The following MACROD2 variants were observed in gnomAD, a reference collection of about 807,000 sequenced individuals.
MACROD2 encodes mono-ADP ribosylhydrolase 2, also known as ADP-ribose glycohydrolase MACROD2.
MACROD2 carries 36 observed loss-of-function variants against 70.4 expected under a neutral mutation model. That is an observed-to-expected ratio of 0.51 (90% CI 0.39 to 0.68). The LOEUF is 0.68. Ranked by LOEUF, MACROD2 falls within the 30% of genes least tolerant of loss-of-function variation. MACROD2 has a pLI of 0.00. For synonymous variants in MACROD2, 172 were observed against 178.8 expected (o/e 0.96, Z 0.30); for missense variants, 496 against 538.4 (o/e 0.92, Z 0.78).
intron 4 of MACROD2, among the ~76,000 whole-genome samples, chr20:14,560,272 A>T (rs1451710693): frequency 2.0e-5 from 3 of 149,442 alleles, no homozygotes; most frequent in Non-Finnish European, 4.5e-5. Context: ...TGCTAACCAC[A>T]CTTTGTTTCT....
rs542761816 is a variant in MACROD2, at chr20:15,674,998, T to C, written c.645+175151T>C. Among the ~76,000 whole-genome samples, 69 of 152,316 alleles carry C rather than the reference T, an allele frequency of 4.5e-4. 1 individual carries two copies. Among genetic ancestry groups the C allele is most frequent in the African/African-American group, 1.6e-3 (65 of 41,576 alleles). On this transcript the variant is annotated intron_variant, in intron 8 of 17. Transcript: ENST00000684519. ...ATGGGAAATGCAGGCTTATGCTGTT[T>C]GCACCAAGGTTATCAGTTATATTGG...
chr20:14,485,972 C>T (rs444594), intron 3 of MACROD2, among the ~76,000 whole-genome samples: 29,720 of 151,910 alleles, frequency 0.2, 3,186 homozygotes, highest in South Asian at 0.36. Context: ...GAGAGTTAGC[C>T]TCTGAAGGAA....
intron 5 of MACROD2, among the ~76,000 whole-genome samples, chr20:15,142,934 C>T (rs557978976): frequency 1.3e-5 from 2 of 152,158 alleles, no homozygotes; most frequent in East Asian, 3.9e-4. Context: ...GGGTTGGTTC[C>T]AAGTCTTTGC....
chr20:14,437,599 A>C (rs970648369), intron 3 of MACROD2, among the ~76,000 whole-genome samples: 1 of 152,152 alleles, frequency 6.6e-6, no homozygotes, highest in African/African-American at 2.4e-5. Context: ...CATCTCAAAA[A>C]AAAATTTTTT....
At chr20:16,008,981 C>A (rs1202736778) in intron 15 of MACROD2, among the ~76,000 whole-genome samples, 1 of 152,192 alleles carries the variant, frequency 6.6e-6, no homozygotes, top group Admixed American at 6.5e-5. Context: ...CTGCCAACAT[C>A]TTTGATCAAA....
At chr20:15,678,376 T>TC (rs1007497046) in intron 8 of MACROD2, among the ~76,000 whole-genome samples, 3 of 151,640 alleles carry the variant, frequency 2.0e-5, no homozygotes, top group Admixed American at 6.6e-5. Context: ...TTTTTTTTTT[T>TC]TGAGACGGAG....
chr20:14,367,295 TA>T (rs1176742461), intron 3 of MACROD2, among the ~76,000 whole-genome samples: 11 of 152,190 alleles, frequency 7.2e-5, no homozygotes, highest in Non-Finnish European at 1.3e-4. Flanking sequence ...CCATAGGAAA[TA>T]AAAAGAAGAG....
At chr20:15,383,670 T>C (rs1432063012) in intron 6 of MACROD2, among the ~76,000 whole-genome samples, 1 of 152,194 alleles carries the variant, frequency 6.6e-6, no homozygotes, top group African/African-American at 2.4e-5. Context: ...CCTTGCAGCA[T>C]TGATCTCCAG....
intron 3 of MACROD2, among the ~76,000 whole-genome samples, chr20:14,389,326 G>T (rs2083501951): frequency 6.6e-6 from 1 of 151,062 alleles, no homozygotes. Context: ...GGAGGCTGCG[G>T]CAGGAGAATC....
At chr20:14,078,802 T>C (rs1156797167) in intron 2 of MACROD2, among the ~76,000 whole-genome samples, 1 of 152,230 alleles carries the variant, frequency 6.6e-6, no homozygotes, top group East Asian at 1.9e-4. Context: ...GTAAAAATTT[T>C]GTTTGTTTGA....
chr20:15,633,669 TA>T (rs1232498858), intron 8 of MACROD2, among the ~76,000 whole-genome samples: 1 of 152,196 alleles, frequency 6.6e-6, no homozygotes, highest in African/African-American at 2.4e-5. Flanking sequence ...CACATTATTT[TA>T]AAATTGAACA....
chr20:15,019,287 A>G (rs905369827), intron 5 of MACROD2, among the ~76,000 whole-genome samples: 3 of 152,240 alleles, frequency 2.0e-5, no homozygotes, highest in Admixed American at 1.3e-4. Context: ...TAAGAACGTT[A>G]TATCATGTAG....
chr20:15,388,417 T>G (rs1002624450), intron 6 of MACROD2, among the ~76,000 whole-genome samples: 7 of 152,140 alleles, frequency 4.6e-5, no homozygotes, highest in African/African-American at 1.7e-4. Flanking sequence ...ATTACTCCCT[T>G]AATAGAAAGT....
intron 5 of MACROD2, among the ~76,000 whole-genome samples, chr20:14,973,586 A>G (rs2074711714): frequency 1.3e-5 from 2 of 152,134 alleles, no homozygotes; most frequent in African/African-American, 2.4e-5. Context: ...TGCTTAGACA[A>G]TGACCACTTG....
intron 5 of MACROD2, among the ~76,000 whole-genome samples, chr20:14,971,927 G>A (rs952774203): frequency 1.1e-4 from 16 of 152,136 alleles, no homozygotes; most frequent in Admixed American, 9.8e-4. Context: ...CACAACTGCC[G>A]GCATTCACCC....
intron 5 of MACROD2, among the ~76,000 whole-genome samples, chr20:14,736,668 C>A (rs2071668711): frequency 6.6e-6 from 1 of 152,000 alleles, no homozygotes; most frequent in Admixed American, 6.5e-5. Flanking sequence ...CATGGATTTG[C>A]CCATTTAATC....
intron 6 of MACROD2, among the ~76,000 whole-genome samples, chr20:15,365,358 G>A (rs1254735606): frequency 1.3e-5 from 2 of 151,996 alleles, no homozygotes; most frequent in African/African-American, 4.8e-5. Flanking sequence ...AAAATCCTAA[G>A]CCTTTTTAAT....
At chr20:14,084,569 C>A (rs2054052252) in intron 2 of MACROD2, among the ~76,000 whole-genome samples, 1 of 152,016 alleles carries the variant, frequency 6.6e-6, no homozygotes, top group African/African-American at 2.4e-5. Flanking sequence ...TATCTTATTG[C>A]TATTTTGTTC....
intron 8 of MACROD2, among the ~76,000 whole-genome samples, chr20:15,733,221 T>C (rs1302322211): frequency 6.6e-6 from 1 of 152,178 alleles, no homozygotes; most frequent in Non-Finnish European, 1.5e-5. Context: ...ATGTATGATA[T>C]TAGTAATTTG....
Sources: allele counts gnomAD v4.1 joint callset (sites outside exome capture counted in the v4.1 genomes callset), GRCh38; gene constraint gnomAD v4.1.1; transcripts MANE v1.5; gene names NCBI Gene and HGNC (gene_info 2026-07-23, HGNC 2026-07-21).